PRKAR1A: variants seen among roughly 807,000 people sequenced by gnomAD.
PRKAR1A encodes cAMP-dependent protein kinase type I-alpha regulatory subunit.
In PRKAR1A, 3 loss-of-function variants were observed where a neutral mutation model predicts 52.0. That is an observed-to-expected ratio of 0.06 (90% CI 0.03 to 0.15). The LOEUF (loss-of-function observed/expected upper bound fraction) is 0.15. PRKAR1A is among the 10% of genes least tolerant of loss of function. PRKAR1A has a pLI of 1.00. For missense variants in PRKAR1A, 240 were observed against 477.4 expected (o/e 0.50, Z 4.63); for synonymous variants, 188 against 168.4 (o/e 1.12, Z -0.90).
the PRKAR1A span, among the ~76,000 whole-genome samples, chr17:68,447,112 C>T: frequency 6.6e-6 from 1 of 152,170 alleles, no homozygotes; most frequent in Non-Finnish European, 1.5e-5. Flanking sequence ...AGCAATAACT[C>T]CTTTTATCAA....
chr17:68,470,076 C>T, the PRKAR1A span, among the ~76,000 whole-genome samples: 1 of 151,630 alleles, frequency 6.6e-6, no homozygotes, highest in African/African-American at 2.4e-5. Context: ...AGGCGAATAA[C>T]ATCTTAGATT....
the PRKAR1A span, among the ~76,000 whole-genome samples, chr17:68,442,504 G>A: frequency 2.6e-5 from 4 of 151,678 alleles, no homozygotes; most frequent in African/African-American, 9.7e-5. Flanking sequence ...CTGTTTGCAA[G>A]GGAGGGTGCT....
the PRKAR1A span, among the ~76,000 whole-genome samples, chr17:68,496,278 A>G: frequency 6.6e-6 from 1 of 151,006 alleles, no homozygotes; most frequent in Non-Finnish European, 1.5e-5. Context: ...CTGACCTCAA[A>G]TGATCCACCT....
the PRKAR1A span, among the ~76,000 whole-genome samples, chr17:68,501,163 C>T: frequency 6.6e-6 from 1 of 152,152 alleles, no homozygotes; most frequent in Non-Finnish European, 1.5e-5. Flanking sequence ...TGTGAATTGC[C>T]CTGACTCTTC....
the PRKAR1A span, among the ~76,000 whole-genome samples, chr17:68,504,739 A>G: frequency 6.6e-6 from 1 of 152,170 alleles, no homozygotes; most frequent in Non-Finnish European, 1.5e-5. Context: ...TAATGGGTAA[A>G]AACTAGTTAG....
chr17:68,542,583 A>G, intron 11 of PRKAR1A: 2 of 834,750 alleles, frequency 2.4e-6, no homozygotes, highest in South Asian at 1.4e-5. Context: ...CGCCCATCCC[A>G]GTAATGGATA....
At chr17:68,534,761 TAATG>T (rs1428593389), downstream of PRKAR1A, among the ~76,000 whole-genome samples, 5 of 152,150 alleles carry the variant, frequency 3.3e-5, no homozygotes, top group African/African-American at 4.8e-5. Context: ...AGTACAATGT[TAATG>T]AATCAGTATA....
intron 11 of PRKAR1A, among the ~76,000 whole-genome samples, chr17:68,547,264 CATT>C (rs1032757555): frequency 1.3e-5 from 2 of 152,178 alleles, no homozygotes; most frequent in East Asian, 3.9e-4. Flanking sequence ...GAATCTTTAT[CATT>C]ATTATTATTA....
At chr17:68,542,783 G>C (rs1301914734) in intron 11 of PRKAR1A, 1 of 1,613,982 alleles carries the variant, frequency 6.2e-7, no homozygotes, top group African/African-American at 1.3e-5. Context: ...CCCCACTGTT[G>C]GCGGCACCCG....
chr17:68,540,024 GA>G, intron 11 of PRKAR1A: 1 of 1,482,368 alleles, frequency 6.7e-7, no homozygotes, highest in Non-Finnish European at 9.4e-7. Context: ...AGGTGCTCCT[GA>G]CCTGAGTTCT....
chr17:68,489,416 ATG>A, the PRKAR1A span, among the ~76,000 whole-genome samples: 17 of 85,376 alleles, frequency 2.0e-4, no homozygotes, highest in South Asian at 3.9e-4. Context: ...ATATATATAT[ATG>A]GAAAGTATAT....
At chr17:68,517,630 C>T (rs2085474493) in intron 2 of PRKAR1A, among the ~76,000 whole-genome samples, 1 of 152,166 alleles carries the variant, frequency 6.6e-6, no homozygotes, top group South Asian at 2.1e-4. Context: ...CCACCAGGTC[C>T]CTCTCAGGGC....
chr17:68,452,980 A>G, the PRKAR1A span: 7 of 1,613,758 alleles, frequency 4.3e-6, no homozygotes, highest in Non-Finnish European at 5.9e-6. Flanking sequence ...CTTTAGTTCC[A>G]GTTGCTAGGG....
At chr17:68,515,298 T>G in intron 1 of PRKAR1A, 96 bp from the exon 2 acceptor site, 2 of 1,407,618 alleles carry the variant, frequency 1.4e-6, no homozygotes, top group Non-Finnish European at 2.0e-6. Context: ...AAAAAATCCC[T>G]GTGAATCAGT....
the PRKAR1A span, among the ~76,000 whole-genome samples, chr17:68,477,480 T>C: frequency 6.6e-6 from 1 of 152,228 alleles, no homozygotes; most frequent in Admixed American, 6.5e-5. Flanking sequence ...AGTTTAATGC[T>C]ACTCCAGATC....
chr17:68,472,226 T>A, the PRKAR1A span, among the ~76,000 whole-genome samples: 4 of 152,286 alleles, frequency 2.6e-5, no homozygotes, highest in Non-Finnish European at 5.9e-5. Flanking sequence ...AGGTGGCAAG[T>A]AAGGCCATTC....
the PRKAR1A span, among the ~76,000 whole-genome samples, chr17:68,484,670 G>T: frequency 6.6e-6 from 1 of 152,168 alleles, no homozygotes; most frequent in South Asian, 2.1e-4. Flanking sequence ...AATGTTCCAG[G>T]TTTTTCACAG....
chr17:68,437,360 G>A, the PRKAR1A span, among the ~76,000 whole-genome samples: 1 of 151,978 alleles, frequency 6.6e-6, no homozygotes, highest in Non-Finnish European at 1.5e-5. Flanking sequence ...TTCGAGATCG[G>A]GCTGGCCAAC....
At chr17:68,469,382 C>T in the PRKAR1A span, among the ~76,000 whole-genome samples, 1 of 152,038 alleles carries the variant, frequency 6.6e-6, no homozygotes, top group Non-Finnish European at 1.5e-5. Context: ...TCTCCCAAAA[C>T]AGTTATCAAA....
Sources: gnomAD v4.1 joint callset for allele counts (sites outside exome capture counted in the v4.1 genomes callset) on GRCh38, gnomAD v4.1.1 for gene constraint, MANE v1.5 for transcripts, NCBI Gene and HGNC (gene_info 2026-07-23, HGNC 2026-07-21) for gene names.